TPCN1: variants seen among roughly 807,000 people sequenced by gnomAD.
The protein encoded by TPCN1 is two pore segment channel 1, also known as two pore channel protein 1.
A neutral mutation model predicts 108.8 loss-of-function variants in TPCN1; 52 were observed. The observed-to-expected ratio is 0.48, with a 90% CI of 0.38 to 0.60. The LOEUF (loss-of-function observed/expected upper bound fraction) is 0.60. Among genes scored for constraint, TPCN1 ranks in the 20% least tolerant of loss-of-function variants. The pLI is 0.00. For missense variants in TPCN1, 806 were observed against 1,072.8 expected (o/e 0.75, Z 3.47); for synonymous variants, 446 against 433.7 (o/e 1.03, Z -0.35).
At chr12:113,253,261 C>A (rs1954715816) in intron 2 of TPCN1, among the ~76,000 whole-genome samples, 1 of 152,150 alleles carries the variant, frequency 6.6e-6, no homozygotes, top group Non-Finnish European at 1.5e-5. Flanking sequence ...TATCAGTTAT[C>A]TGTTGATAAT....
rs977025347 is a variant in TPCN1 at position 113,232,383 on chromosome 12, C to T, written c.112+5419C>T. Among the ~76,000 whole-genome samples, 1 of 152,268 alleles carries T rather than the reference C, an allele frequency of 6.6e-6. No homozygotes were observed. Among genetic ancestry groups the T allele is most frequent in the East Asian group, 1.9e-4 (1 of 5,204 alleles). ...AGCCAGGGCGAGTTGGCACCAGGCT[C>T]AGTCAAGGTGGGCCAGAGCTGTTGG... On this transcript the variant is annotated intron_variant, in intron 2 of 27. Transcript: ENST00000335509. This position sits in a 1 kb window ranked among gnomAD's most constrained non-coding sequence, Gnocchi z 5.6.
rs79423105 is a variant in TPCN1 at position 113,275,046 on chromosome 12, G to C, written c.942+1378G>C. Reference sequence around the variant, plus strand: ...GTCCCAGCCATCACAGATCACATCCGACACCAGGCTGTTAGGCCGGTGCCC... The same window carrying C: ...GTCCCAGCCATCACAGATCACATCCCACACCAGGCTGTTAGGCCGGTGCCC... On this transcript the variant is annotated intron_variant, in intron 10 of 27. Transcript: ENST00000335509. 0.012 allele frequency among the ~76,000 whole-genome samples: 1,837 copies of C among 152,258 alleles called. 69 individuals carry two copies. In the East Asian group the frequency reaches 0.15, roughly 12 times the overall value.
chr12:113,272,646 A>C lies in TPCN1; in HGVS notation c.749-12A>C. 6.2e-7 allele frequency: 1 copy of C among 1,613,294 alleles called. No individual in the cohort carries two copies. Among genetic ancestry groups the C allele is most frequent in the Non-Finnish European group, 8.5e-7 (1 of 1,179,338 alleles). On this transcript the variant is annotated splice_polypyrimidine_tract_variant and intron_variant, in intron 7 of 27. Transcript: ENST00000335509. This position sits in a 1 kb window ranked among gnomAD's most constrained non-coding sequence, Gnocchi z 4.1. The stretch of plus-strand genomic sequence containing the variant: ...CTAATCCTTTTGTTTATCTGTTTCC[A>C]CCCACTTCTAGGTTTCTACTTGTTC...
At chr12:113,250,897 T>C (rs1038320944) in intron 2 of TPCN1, among the ~76,000 whole-genome samples, 1 of 151,218 alleles carries the variant, frequency 6.6e-6, no homozygotes, top group Non-Finnish European at 1.5e-5. Flanking sequence ...ACCTGAGAAG[T>C]AGAGGTTGTA....
chr12:113,258,281 A>T (rs1954897015), intron 2 of TPCN1, among the ~76,000 whole-genome samples: 1 of 152,154 alleles, frequency 6.6e-6, no homozygotes, highest in Non-Finnish European at 1.5e-5. Context: ...AACCTGGCCA[A>T]CATGCTAAAC....
At chr12:113,267,751 T>TG (rs1955323573) in intron 4 of TPCN1, 92 bp from the exon 5 acceptor site, 2 of 819,430 alleles carry the variant, frequency 2.4e-6, no homozygotes, top group Admixed American at 1.9e-5. Flanking sequence ...GAGGATGTCC[T>TG]GGGGCACTCC....
At chr12:113,244,411 G>A (rs914329173) in intron 2 of TPCN1, 12 of 985,448 alleles carry the variant, frequency 1.2e-5, no homozygotes, top group East Asian at 1.1e-4. Context: ...CTTTACTAAC[G>A]TGTGTCAATA....
intron 2 of TPCN1, among the ~76,000 whole-genome samples, chr12:113,227,443 GT>G (rs1394555443): frequency 2.6e-5 from 4 of 152,192 alleles, no homozygotes; most frequent in Non-Finnish European, 4.4e-5. Flanking sequence ...GAGGGCGAGT[GT>G]TTTGTCATGA....
intron 2 of TPCN1, among the ~76,000 whole-genome samples, chr12:113,239,723 C>T (rs1009417913): frequency 2.6e-5 from 4 of 152,228 alleles, no homozygotes; most frequent in Non-Finnish European, 5.9e-5. Context: ...TCTCTGCTTC[C>T]AGCTTCGAAC....
chr12:113,294,167 C>G (rs1956357519), intron 27 of TPCN1: 1 of 152,276 alleles, frequency 6.6e-6, no homozygotes, highest in Non-Finnish European at 1.5e-5. Flanking sequence ...TCACTGTAGC[C>G]TCCAACCCCT....
intron 7 of TPCN1, among the ~76,000 whole-genome samples, chr12:113,270,533 T>A (rs1207634926): frequency 6.6e-6 from 1 of 151,178 alleles, no homozygotes; most frequent in Non-Finnish European, 1.5e-5. Flanking sequence ...CAGGCTGGAG[T>A]GCAGTGGCAC....
At chr12:113,226,583 A>C (rs901751498) in intron 1 of TPCN1, 145 bp from the exon 2 acceptor site, 19 of 683,494 alleles carry the variant, frequency 2.8e-5, no homozygotes, top group East Asian at 5.9e-5. Flanking sequence ...GCCTGGCCCT[A>C]GTTCACCATT....
rs1286239315 is a variant in TPCN1 at position 113,284,583 on chromosome 12, TTGG to T, written c.1352_1354del (p.Val451del). On this transcript the variant is annotated inframe_deletion, in exon 16 of 28. Transcript: ENST00000335509. This position sits in a 1 kb window ranked among gnomAD's most constrained non-coding sequence, Gnocchi z 4.1. ...TTTTACGGGCCTGTGTATTTCAGAC[TTGG>T]TGGTGGCAGTCAACGGGGTCTGGAT... The T allele has an allele frequency of 1.2e-6, 2 of 1,614,192 alleles. No individual in the cohort carries two copies. The highest frequency in any genetic ancestry group is 1.7e-6 in the Non-Finnish European group (2 of 1,180,044).
intron 2 of TPCN1, among the ~76,000 whole-genome samples, chr12:113,240,003 A>G (rs755431710): frequency 2.6e-4 from 39 of 151,912 alleles, no homozygotes; most frequent in Non-Finnish European, 1.5e-4. Context: ...GTCGACAAGC[A>G]TGATGTCTTC....
chr12:113,261,034 A>C (rs1955010755), intron 3 of TPCN1, among the ~76,000 whole-genome samples: 1 of 152,062 alleles, frequency 6.6e-6, no homozygotes, highest in Admixed American at 6.6e-5. Context: ...CTCTACTAAA[A>C]ATACAAAAAA....
rs1955379385 is a variant in TPCN1 at position 113,268,778 on chromosome 12, G to A, written c.565G>A (p.Val189Met). The A allele has an allele frequency of 1.9e-6, 3 of 1,614,042 alleles. No individual in the cohort carries two copies. The highest frequency in any genetic ancestry group is 1.3e-5 in the African/African-American group (1 of 75,056). The change falls in exon 6 of 28, where the codon GTG (valine) becomes ATG (methionine). Residue 189 changes from valine (V) to methionine (M), a missense_variant. By Grantham distance (21) the Val-to-Met change is conservative. Coordinates refer to ENST00000335509, the MANE Select transcript of TPCN1 (RefSeq NM_017901.6). This position sits in a 1 kb window ranked among gnomAD's most constrained non-coding sequence, Gnocchi z 7.3. ...VLVVQFVEAI[V>M]VLVRQMSHVR... ...GGTGGTGCAGTTTGTCGAGGCCATCGTGGTGTTGGTACGGCAGATGTCCCA... is the reference window on the plus strand; with the variant it reads ...GGTGGTGCAGTTTGTCGAGGCCATCATGGTGTTGGTACGGCAGATGTCCCA...
intron 1 of TPCN1, among the ~76,000 whole-genome samples, chr12:113,225,710 C>T (rs1450192333): frequency 6.6e-6 from 1 of 152,014 alleles, no homozygotes; most frequent in African/African-American, 2.4e-5. Context: ...ACGTGCCACC[C>T]CGCCCAGCTA....
Position 113,225,797 on chromosome 12 carries a change from G to A in TPCN1, c.-125-931G>A, listed in dbSNP as rs570594421. Among the ~76,000 whole-genome samples, 4 of 151,386 alleles carry A rather than the reference G, an allele frequency of 2.6e-5. No homozygotes were observed. In the South Asian group the frequency reaches 6.3e-4, roughly 24 times the overall value. On this transcript the variant is annotated intron_variant, in intron 1 of 27. Coordinates refer to ENST00000335509, the MANE Select transcript of TPCN1 (RefSeq NM_017901.6). ...TCTCAAACTCCTGACCTCAGGATCC[G>A]CCCGCCTCGGCCTCCCAAAGTGCTG...
At chr12:113,247,558 A>G (rs1401503145) in intron 2 of TPCN1, among the ~76,000 whole-genome samples, 1 of 152,240 alleles carries the variant, frequency 6.6e-6, no homozygotes, top group Non-Finnish European at 1.5e-5. Flanking sequence ...GACAGCAGAC[A>G]GGGCAGGGGA....
Sources: gnomAD v4.1 joint callset for allele counts (sites outside exome capture counted in the v4.1 genomes callset) on GRCh38, gnomAD v4.1.1 for gene constraint, Gnocchi (gnomAD v3.1) non-coding constraint, MANE v1.5 for transcripts, NCBI Gene and HGNC (gene_info 2026-07-23, HGNC 2026-07-21) for gene names.